TRIM37: variants seen among roughly 807,000 people sequenced by gnomAD.
TRIM37 encodes the protein tripartite motif containing 37.
Under a neutral mutation model 129.8 loss-of-function variants are expected in TRIM37, and 80 were observed. The ratio of observed to expected loss-of-function variants is 0.62; its 90% CI spans 0.51 to 0.74. TRIM37 has a LOEUF of 0.74. Among genes scored for constraint, TRIM37 ranks in the 30% least tolerant of loss-of-function variants. TRIM37 has a pLI of 0.00. For synonymous variants in TRIM37, 389 were observed against 387.1 expected (o/e 1.00, Z -0.06); for missense variants, 1,054 against 1,176.5 (o/e 0.90, Z 1.52).
chr17:59,056,661 C>A (rs564346562), intron 13 of TRIM37, among the ~76,000 whole-genome samples: 27 of 118,776 alleles, frequency 2.3e-4, no homozygotes, highest in Non-Finnish European at 3.9e-4. Flanking sequence ...ACCCGGGAGG[C>A]GGAGCTTGTA....
the TRIM37 span, among the ~76,000 whole-genome samples, chr17:58,971,429 G>A: frequency 1.3e-5 from 2 of 152,186 alleles, no homozygotes; most frequent in South Asian, 4.1e-4. Context: ...AAATGGGGAT[G>A]TCATTTTCGT....
chr17:59,078,007 C>A (rs2042962814), intron 7 of TRIM37, among the ~76,000 whole-genome samples: 1 of 151,676 alleles, frequency 6.6e-6, no homozygotes, highest in Non-Finnish European at 1.5e-5. Context: ...TGCCTGTAGT[C>A]CCAGCTACTC....
rs112160739 is a variant in TRIM37, at chr17:59,094,937, C to G, written c.124-3597G>C. On this transcript the variant is annotated intron_variant, in intron 2 of 23. Transcript: ENST00000262294. ...GTAGTGTTAAAAGTCATGGACCAGT[C>G]GGGTGTGGTGGCTCACACCTTTAAT... Among the ~76,000 whole-genome samples the G allele has an allele frequency of 2.2e-3, 331 of 152,240 alleles. 7 individuals are homozygous for G. The highest frequency in any genetic ancestry group is 0.017 in the Middle Eastern group (5 of 294).
chr17:59,074,669 A>G (rs1387415049), intron 8 of TRIM37, among the ~76,000 whole-genome samples: 1 of 152,362 alleles, frequency 6.6e-6, no homozygotes, highest in Non-Finnish European at 1.5e-5. Context: ...GAGATTCAAT[A>G]CAAGAAAGAT....
intron 22 of TRIM37, among the ~76,000 whole-genome samples, chr17:59,004,340 A>G (rs563336402): frequency 0.23 from 346 of 1,496 alleles, no homozygotes; most frequent in Non-Finnish European, 0.38. Context: ...GAAAGGTATG[A>G]CATTATTTAT....
At chr17:58,974,471 T>C in the TRIM37 span, among the ~76,000 whole-genome samples, 1 of 152,206 alleles carries the variant, frequency 6.6e-6, no homozygotes, top group African/African-American at 2.4e-5. Context: ...AACAGCTAAG[T>C]TGGCTGGACA....
chr17:58,969,610 C>T, the TRIM37 span: 1 of 1,614,014 alleles, frequency 6.2e-7, no homozygotes, highest in African/African-American at 1.3e-5. Context: ...TTTATGCCTC[C>T]ATTCACCTCC....
chr17:58,986,512 T>TC (rs1416367368), intron 24 of TRIM37, among the ~76,000 whole-genome samples: 1 of 149,796 alleles, frequency 6.7e-6, no homozygotes, highest in South Asian at 2.1e-4. Flanking sequence ...GTCTTTTTTT[T>TC]TTTTTTTTTT....
At chr17:59,012,119 G>A (rs1161631669) in intron 22 of TRIM37, among the ~76,000 whole-genome samples, 1 of 151,960 alleles carries the variant, frequency 6.6e-6, no homozygotes, top group Non-Finnish European at 1.5e-5. Context: ...CAAATTCAGT[G>A]GCACAAGGAA....
At chr17:59,006,513 G>GC (rs1426132265) in intron 22 of TRIM37, among the ~76,000 whole-genome samples, 1 of 152,080 alleles carries the variant, frequency 6.6e-6, no homozygotes, top group Non-Finnish European at 1.5e-5. Flanking sequence ...TTCTCCTTTC[G>GC]AAGAGGACCC....
At chr17:59,021,155 C>A (rs1273024854) in intron 19 of TRIM37, among the ~76,000 whole-genome samples, 1 of 152,098 alleles carries the variant, frequency 6.6e-6, no homozygotes, top group African/African-American at 2.4e-5. Context: ...ACTTTGTAAG[C>A]CCGACTCAAG....
chr17:59,051,350 TAA>T, intron 13 of TRIM37, 22 bp from the exon 14 acceptor site: 1 of 1,374,384 alleles, frequency 7.3e-7, no homozygotes, highest in Non-Finnish European at 1.0e-6. Flanking sequence ...TGTGCCACAT[TAA>T]AAAAAAAATT....
At chr17:59,050,749 G>A (rs951030656) in intron 14 of TRIM37, among the ~76,000 whole-genome samples, 2 of 152,196 alleles carry the variant, frequency 1.3e-5, no homozygotes, top group Non-Finnish European at 2.9e-5. Context: ...GGAGGCCGAG[G>A]TGGGCAGATC....
At chr17:59,097,551 G>A (rs2045020745) in intron 2 of TRIM37, among the ~76,000 whole-genome samples, 1 of 151,520 alleles carries the variant, frequency 6.6e-6, no homozygotes, top group Non-Finnish European at 1.5e-5. Flanking sequence ...AAATGCTTAG[G>A]GAAAAAAAAA....
At chr17:59,013,643 C>A (rs2035568612) in intron 21 of TRIM37, among the ~76,000 whole-genome samples, 2 of 152,058 alleles carry the variant, frequency 1.3e-5, no homozygotes, top group Non-Finnish European at 2.9e-5. Context: ...TTCACTTATT[C>A]TTTTCTCCTT....
chr17:58,989,952 G>A (rs898649134), intron 24 of TRIM37, among the ~76,000 whole-genome samples: 1 of 151,904 alleles, frequency 6.6e-6, no homozygotes, highest in Non-Finnish European at 1.5e-5. Flanking sequence ...TTGGTTGGCT[G>A]AGGTGGGAGG....
chr17:58,969,581 G>A, the TRIM37 span: 1 of 1,614,138 alleles, frequency 6.2e-7, no homozygotes, highest in Non-Finnish European at 8.5e-7. Flanking sequence ...TGATGGCCAT[G>A]GGGGAGTAGA....
chr17:59,056,716 C>CAAAAAAAAAAAAAAAAAAAA lies in TRIM37; in HGVS notation c.1199+139_1199+158dup, dbSNP rs869221576. 7.1e-4 allele frequency among the ~76,000 whole-genome samples: 27 copies of CAAAAAAAAAAAAAAAAAAAA among 38,042 alleles called. 9 individuals carry two copies. Among genetic ancestry groups the CAAAAAAAAAAAAAAAAAAAA allele is most frequent in the Non-Finnish European group, 9.1e-4 (18 of 19,820 alleles). The allele number at this position is 38,042 out of a possible 152,430, so 25.0% of individuals were successfully genotyped here. On this transcript the variant is annotated intron_variant, in intron 13 of 23. Transcript: ENST00000262294. ...GGGCGACAGAGCGAGACTATGTCTC[C>CAAAAAAAAAAAAAAAAAAAA]AAAAAAAAAAAAAAAAAAAAAAAAA...
intron 14 of TRIM37, among the ~76,000 whole-genome samples, chr17:59,050,260 C>T (rs1247370052): frequency 6.6e-6 from 1 of 152,220 alleles, no homozygotes; most frequent in Non-Finnish European, 1.5e-5. Context: ...GAAACACAAA[C>T]AGCTTACCTC....
Sources: allele counts gnomAD v4.1 joint callset (sites outside exome capture counted in the v4.1 genomes callset), GRCh38; gene constraint gnomAD v4.1.1; transcripts MANE v1.5; gene names NCBI Gene and HGNC (gene_info 2026-07-23, HGNC 2026-07-21).